Variants in TMIGD2 observed in about 807,000 individuals in gnomAD.
TMIGD2 encodes transmembrane and immunoglobulin domain-containing protein 2.
Under a neutral mutation model 22.6 loss-of-function variants are expected in TMIGD2, and 18 were observed. The observed-to-expected ratio is 0.80, with a 90% CI of 0.55 to 1.18. The LOEUF (loss-of-function observed/expected upper bound fraction) is 1.18, where lower values mean the gene tolerates loss of function less well. Among genes scored for constraint, TMIGD2 ranks in the 50% most tolerant of loss-of-function variants. The probability of loss-of-function intolerance (pLI) is 0.00; values close to 1 mark genes in which losing one functional copy is unlikely to be tolerated. For missense variants in TMIGD2, 361 were observed against 378.2 expected, an observed-to-expected ratio of 0.95 and a Z score of 0.38; for synonymous variants, 184 against 154.1, an observed-to-expected ratio of 1.19 and a Z score of -1.44.
chr19:4,297,516 T>TCAGC (rs1416055651), intron 2 of TMIGD2, among the ~76,000 whole-genome samples: 2 of 152,154 alleles, frequency 1.3e-5, no homozygotes, highest in Non-Finnish European at 2.9e-5. Flanking sequence ...ATTACAAGCA[T>TCAGC]CAGCCACTAT....
At chr19:4,301,713 C>T (rs2144745562) in intron 1 of TMIGD2, among the ~76,000 whole-genome samples, 1 of 152,064 alleles carries the variant, frequency 6.6e-6, no homozygotes. Context: ...AAATGAACAA[C>T]AAAAAAGTGC....
At chr19:4,299,591 C>T (rs1159835522) in intron 1 of TMIGD2, among the ~76,000 whole-genome samples, 2 of 151,194 alleles carry the variant, frequency 1.3e-5, no homozygotes, top group African/African-American at 4.9e-5. Flanking sequence ...CAGCCTCAGC[C>T]GCTTGGGCTC....
chr19:4,300,116 CT>C (rs1215109581), intron 1 of TMIGD2, among the ~76,000 whole-genome samples: 8 of 150,476 alleles, frequency 5.3e-5, no homozygotes, highest in African/African-American at 1.7e-4. Flanking sequence ...CAAAAATTAG[CT>C]GGGCATGGTG....
intron 1 of TMIGD2, among the ~76,000 whole-genome samples, chr19:4,299,449 T>A (rs1971506458): frequency 6.6e-6 from 1 of 151,702 alleles, no homozygotes; most frequent in Non-Finnish European, 1.5e-5. Context: ...GACCGGCCTT[T>A]TTTTTTTTCT....
chr19:4,302,298 G>T, intron 1 of TMIGD2, 42 bp downstream of exon 1: 1 of 1,545,246 alleles, frequency 6.5e-7, no homozygotes, highest in Non-Finnish European at 8.7e-7. Flanking sequence ...GGGGATGACA[G>T]CAAGAGTGGG....
At chr19:4,296,649 C>G (rs1344298629) in intron 2 of TMIGD2, among the ~76,000 whole-genome samples, 1 of 152,180 alleles carries the variant, frequency 6.6e-6, no homozygotes, top group African/African-American at 2.4e-5. Flanking sequence ...CCTTTGACAT[C>G]AGAGGGGTGG....
exon 5 of TMIGD2, chr19:4,292,719 G>A (rs1435124568): frequency 1.9e-6 from 3 of 1,607,966 alleles, no homozygotes; most frequent in Non-Finnish European, 1.7e-6. Context: ...AGGGTCTCGG[G>A]CTGGGGCAGG....
rs777465318 is a variant in TMIGD2, at chr19:4,294,581, G to T, written c.548C>A (p.Ser183Ter). The T allele has an allele frequency of 6.2e-7, 1 of 1,612,196 alleles. No homozygotes were observed. Residue 183 changes from serine (S) to a stop codon, truncating the protein, a stop_gained, in exon 4 of 5, where the codon TCA (serine) becomes TAA (stop). Transcript: ENST00000301272. LOFTEE classifies it low-confidence loss of function (END_TRUNC). ...CCCTCCCTTACCTGGGCTGTTACCT[G>T]AGTCCCTTTGCTGGCAGCTGCGGCG... is the stretch of plus-strand genomic sequence containing the variant.
In TMIGD2 at chr19:4,299,016, G is replaced by T. The variant is rs190770564; in HGVS notation, c.47-671C>A. 7.7e-4 allele frequency among the ~76,000 whole-genome samples: 117 copies of T among 152,302 alleles called. 1 individual carries two copies. The highest frequency in any genetic ancestry group is 5.0e-3 in the East Asian group (26 of 5,188). On this transcript the variant is annotated intron_variant, in intron 1 of 4. Transcript: ENST00000301272. ...GACAATCTAGGGCAAGAGAGACACA[G>T]GAAGTCGTGAAATGAGAACTGCAGT...
chr19:4,301,512 C>CA (rs1407567875), intron 1 of TMIGD2, among the ~76,000 whole-genome samples: 2 of 151,942 alleles, frequency 1.3e-5, no homozygotes, highest in Admixed American at 6.6e-5. Context: ...ACTAAAAATA[C>CA]AAAAAAAATT....
At chr19:4,298,341 C>G in exon 2 of TMIGD2, 1 of 1,571,946 alleles carries the variant, frequency 6.4e-7, no homozygotes, top group Non-Finnish European at 8.6e-7. Context: ...AGGCTTCTTG[C>G]AGGGCTGGAG....
At chr19:4,293,033 G>C (rs534272734) in intron 4 of TMIGD2, 148 bp from the exon 5 acceptor site, 3 of 1,221,400 alleles carry the variant, frequency 2.5e-6, no homozygotes, top group South Asian at 2.7e-5. Flanking sequence ...GCGCAATCTC[G>C]GCTCACTGCA....
At chr19:4,296,498 C>T (rs1169057265) in intron 2 of TMIGD2, among the ~76,000 whole-genome samples, 1 of 152,192 alleles carries the variant, frequency 6.6e-6, no homozygotes, top group African/African-American at 2.4e-5. Context: ...TGGGGACTGC[C>T]AAGCTGCTGT....
chr19:4,295,670 A>G (rs1356639655), intron 2 of TMIGD2, among the ~76,000 whole-genome samples: 1 of 151,982 alleles, frequency 6.6e-6, no homozygotes. Flanking sequence ...CCTGGGATCT[A>G]TCACTCTCCA....
At chr19:4,294,936 G>T in intron 2 of TMIGD2, 120 bp from the exon 3 acceptor site, 1 of 1,034,314 alleles carries the variant, frequency 9.7e-7, no homozygotes, top group South Asian at 2.0e-5. Flanking sequence ...TTGGGCAAGT[G>T]TTCACTCTGA....
Position 4,293,014 on chromosome 19 carries a change from A to C in TMIGD2, c.563-129T>G, listed in dbSNP as rs1358938454. 8.6e-6 allele frequency: 12 copies of C among 1,394,500 alleles called. No homozygotes were observed. The Admixed American group carries it at 1.6e-4, about 19-fold the overall frequency. The allele number at this position is 1,394,500 out of a possible 1,614,324, so 86.4% of individuals were successfully genotyped here. On this transcript the variant is annotated intron_variant, in intron 4 of 4. Coordinates refer to ENST00000301272, the Ensembl canonical transcript of TMIGD2. ...AGTCTCACTCTGTCGCCCAGGCTGGAGTGCAGTGGCGCAATCTCGGCTCAC... is the reference window on the plus strand; with the variant it reads ...AGTCTCACTCTGTCGCCCAGGCTGGCGTGCAGTGGCGCAATCTCGGCTCAC...
intron 1 of TMIGD2, 67 bp downstream of exon 1, chr19:4,302,273 G>T (rs989787654): frequency 1.3e-6 from 2 of 1,504,218 alleles, no homozygotes; most frequent in African/African-American, 2.8e-5. Context: ...GCCCTGAGCT[G>T]GGGGGCAGGC....
Position 4,292,840 on chromosome 19 carries a change from G to A in TMIGD2, c.608C>T (p.Pro203Leu), listed in dbSNP as rs779862588. The A allele has an allele frequency of 4.3e-6, 7 of 1,613,732 alleles. No individual in the cohort carries two copies. The African/African-American group carries it at 8.0e-5, about 18-fold the overall frequency. Residue 203 changes from proline (P) to leucine (L), a missense_variant, in exon 5 of 5, where the codon CCA (proline) becomes CTA (leucine). By Grantham distance (98) the Pro-to-Leu change is moderately conservative. Coordinates refer to ENST00000301272, the Ensembl canonical transcript of TMIGD2. ...TCCAGAGCAGTCCTCACTCTTCTTT[G>A]GGGCCCCCCGGGGCCGGTATAGGAC...
chr19:4,298,203 C>T (rs778716750), exon 2 of TMIGD2: 1 of 1,613,288 alleles, frequency 6.2e-7, no homozygotes, highest in Non-Finnish European at 8.5e-7. Context: ...ACAGGATGGC[C>T]CCATCCTTTG....
Sources: allele counts gnomAD v4.1 joint callset (sites outside exome capture counted in the v4.1 genomes callset), GRCh38; gene constraint gnomAD v4.1.1; transcripts MANE v1.5; gene names NCBI Gene and HGNC (gene_info 2026-07-23, HGNC 2026-07-21).